The following TTLL9 variants were observed in gnomAD, a reference collection of about 807,000 sequenced individuals.
The protein encoded by TTLL9 is probable tubulin polyglutamylase TTLL9.
Under a neutral mutation model 65.6 loss-of-function variants are expected in TTLL9, and 47 were observed. The ratio of observed to expected loss-of-function variants is 0.72; its 90% CI spans 0.57 to 0.91. The LOEUF is 0.91. TTLL9 is among the 40% of genes least tolerant of loss of function. The pLI is 0.00. For synonymous variants in TTLL9, 179 were observed against 204.8 expected (o/e 0.87, Z 1.07); for missense variants, 537 against 568.8 (o/e 0.94, Z 0.57).
chr20:31,920,336 G>A (rs2063798555), intron 7 of TTLL9, among the ~76,000 whole-genome samples: 1 of 152,018 alleles, frequency 6.6e-6, no homozygotes, highest in African/African-American at 2.4e-5. Context: ...CTGCTCACGT[G>A]GCTGGGGAGA....
intron 4 of TTLL9, among the ~76,000 whole-genome samples, chr20:31,905,941 G>A (rs904873704): frequency 6.7e-6 from 1 of 150,136 alleles, no homozygotes; most frequent in Non-Finnish European, 1.5e-5. Flanking sequence ...GCTGAAGGAG[G>A]AGAATCGCTT....
At chr20:31,899,248 C>T (rs1219738027) in intron 4 of TTLL9, among the ~76,000 whole-genome samples, 1 of 152,214 alleles carries the variant, frequency 6.6e-6, no homozygotes, top group Non-Finnish European at 1.5e-5. Context: ...TCTACTATCC[C>T]TTAGGTGAGG....
In TTLL9 at chr20:31,919,952, C is replaced by G; in HGVS notation, c.573+20C>G. The G allele has an allele frequency of 6.4e-7, 1 of 1,571,192 alleles. No individual in the cohort carries two copies. On this transcript the variant is annotated intron_variant, in intron 7 of 14. Transcript: ENST00000535842. ...AGGAAGGTGAGCCTGCCTCTTCCCC[C>G]TTCCTCCCTGAACCCTCCTCTGACC...
intron 14 of TTLL9, chr20:31,939,932 A>G (rs2064177173): frequency 6.6e-6 from 1 of 152,268 alleles, no homozygotes; most frequent in Non-Finnish European, 1.5e-5. Flanking sequence ...GTTTAAAAAA[A>G]TTACCATATG....
chr20:31,930,283 T>C (rs2063986476), intron 10 of TTLL9, among the ~76,000 whole-genome samples: 1 of 152,206 alleles, frequency 6.6e-6, no homozygotes, highest in Non-Finnish European at 1.5e-5. Flanking sequence ...CATTATATGA[T>C]TCTTGCAAAT....
chr20:31,926,820 A>G (rs1443972396), intron 10 of TTLL9, among the ~76,000 whole-genome samples: 1 of 152,206 alleles, frequency 6.6e-6, no homozygotes, highest in African/African-American at 2.4e-5. Flanking sequence ...TAAAAATTAT[A>G]TCTGGTCAGA....
chr20:31,882,664 C>T (rs981460532), intron 2 of TTLL9, among the ~76,000 whole-genome samples: 5 of 152,076 alleles, frequency 3.3e-5, no homozygotes, highest in African/African-American at 1.2e-4. Context: ...TTTCTAAATG[C>T]ATTATTTTAG....
chr20:31,893,466 T>G (rs2063337000), intron 3 of TTLL9, among the ~76,000 whole-genome samples: 1 of 152,024 alleles, frequency 6.6e-6, no homozygotes, highest in Admixed American at 6.6e-5. Context: ...AATTTTTGTA[T>G]TTTTAGTAGA....
At chr20:31,880,792 C>T (rs1036085724) in intron 2 of TTLL9, among the ~76,000 whole-genome samples, 2 of 151,042 alleles carry the variant, frequency 1.3e-5, no homozygotes, top group East Asian at 1.9e-4. Context: ...CAGCCTCCAT[C>T]TTACTTCTTA....
chr20:31,878,067 T>C (rs1162623728), intron 2 of TTLL9, among the ~76,000 whole-genome samples: 10 of 152,254 alleles, frequency 6.6e-5, no homozygotes, highest in Non-Finnish European at 1.3e-4. Context: ...TGTGGTTTAA[T>C]GTCTTTCATA....
chr20:31,877,741 A>T (rs2063056467), intron 2 of TTLL9, among the ~76,000 whole-genome samples: 1 of 152,138 alleles, frequency 6.6e-6, no homozygotes, highest in African/African-American at 2.4e-5. Flanking sequence ...TCTGTTTTGA[A>T]GCTCTACTCC....
intron 8 of TTLL9, among the ~76,000 whole-genome samples, 194 bp from the exon 9 acceptor site, chr20:31,924,815 G>C (rs897637007): frequency 6.6e-6 from 1 of 152,044 alleles, no homozygotes; most frequent in East Asian, 1.9e-4. Context: ...GGCCTCAAGC[G>C]ATCCTCCTGC....
In TTLL9 at chr20:31,932,579, C is replaced by T. The variant is rs116167816; in HGVS notation, c.749-1221C>T. On this transcript the variant is annotated intron_variant, in intron 10 of 14. Coordinates refer to ENST00000535842, the MANE Select transcript of TTLL9 (RefSeq NM_001008409.5). ...AACCACCCTACTCTGTTCAATACAC[C>T]ACAGACTGGCAGAACCATACATTTA... is the stretch of plus-strand genomic sequence containing the variant. 3.1e-3 allele frequency among the ~76,000 whole-genome samples: 475 copies of T among 152,090 alleles called. 2 individuals carry two copies. Among genetic ancestry groups the T allele is most frequent in the African/African-American group, 0.01 (426 of 41,438 alleles).
At chr20:31,906,101 A>G (rs555444532) in intron 4 of TTLL9, among the ~76,000 whole-genome samples, 9 of 151,934 alleles carry the variant, frequency 5.9e-5, no homozygotes, top group African/African-American at 1.4e-4. Flanking sequence ...ACAAGGCCCA[A>G]CTGCTTGGCC....
At position 31,944,007 on chromosome 20, in the gene TTLL9, G is replaced by A. The variant is rs540566222; in HGVS notation, c.*986G>A. 8.8e-5 allele frequency: 31 copies of A among 350,572 alleles called. No homozygotes were observed. Among genetic ancestry groups the A allele is most frequent in the Non-Finnish European group, 1.7e-4 (29 of 175,510 alleles). 21.7% of individuals were successfully genotyped at this position (350,572 alleles called of 1,614,324 possible). ...AGAGTAGTTTCTCTGGCTGCAAATG[G>A]TTGAATCTGCCTGCCTAGGTCAAGC... On this transcript the variant is annotated 3_prime_UTR_variant, in exon 15 of 15. Transcript: ENST00000535842.
chr20:31,892,657 T>C (rs898807476), intron 3 of TTLL9, among the ~76,000 whole-genome samples: 2 of 152,170 alleles, frequency 1.3e-5, no homozygotes, highest in African/African-American at 4.8e-5. Flanking sequence ...AAATCTAGCC[T>C]CACAAAGATA....
At chr20:31,909,083 G>A (rs1161664811) in intron 5 of TTLL9, among the ~76,000 whole-genome samples, 5 of 151,588 alleles carry the variant, frequency 3.3e-5, no homozygotes, top group African/African-American at 4.8e-5. Context: ...GCAGTGGTGG[G>A]AGATTTTTAA....
intron 12 of TTLL9, among the ~76,000 whole-genome samples, chr20:31,935,258 T>C (rs2064091115): frequency 6.6e-6 from 1 of 152,160 alleles, no homozygotes; most frequent in Non-Finnish European, 1.5e-5. Flanking sequence ...TGGAATATTG[T>C]TACAATGTCG....
In TTLL9 at chr20:31,873,753, A is replaced by G. The variant is rs925266096; in HGVS notation, c.69+2558A>G. On this transcript the variant is annotated intron_variant, in intron 2 of 14. Coordinates refer to ENST00000535842, the MANE Select transcript of TTLL9 (RefSeq NM_001008409.5). ...AAGAAAGAAAAAGGAAGGAAGGAAG[A>G]AAGAAAGAAAGAAAGAGAAAGAAAG... is the stretch of plus-strand genomic sequence containing the variant. Among the ~76,000 whole-genome samples, 142 of 143,174 alleles carry G rather than the reference A, an allele frequency of 9.9e-4. 1 individual carries two copies. Among genetic ancestry groups the G allele is most frequent in the African/African-American group, 3.1e-3 (113 of 36,880 alleles). 93.9% of individuals were successfully genotyped at this position (143,174 alleles called of 152,430 possible).
Sources: gnomAD v4.1 joint callset for allele counts (sites outside exome capture counted in the v4.1 genomes callset) on GRCh38, gnomAD v4.1.1 for gene constraint, MANE v1.5 for transcripts, NCBI Gene and HGNC (gene_info 2026-07-23, HGNC 2026-07-21) for gene names.